Variants in PAK1 observed in about 807,000 individuals in gnomAD.
The protein encoded by PAK1 is serine/threonine-protein kinase PAK 1.
In PAK1, 29 loss-of-function variants were observed where a neutral mutation model predicts 67.4. The observed-to-expected ratio is 0.43, with a 90% confidence interval of 0.32 to 0.59. PAK1 has a LOEUF of 0.59. Among genes scored for constraint, PAK1 ranks in the 20% least tolerant of loss-of-function variants. PAK1 has a pLI of 0.07. For synonymous variants in PAK1, 223 were observed against 237.4 expected, an observed-to-expected ratio of 0.94 and a Z score of 0.56; for missense variants, 337 against 670.7, an observed-to-expected ratio of 0.50 and a Z score of 5.50.
rs1944808479 is a variant in PAK1, at chr11:77,348,812, T to C, written c.885+427A>G. Among the ~76,000 whole-genome samples the C allele has an allele frequency of 2.6e-5, 4 of 152,158 alleles. No individual in the cohort carries two copies. The South Asian group carries it at 8.3e-4, about 32-fold the overall frequency. On this transcript the variant is annotated intron_variant, in intron 9 of 14. Coordinates refer to ENST00000356341, the MANE Select transcript of PAK1 (RefSeq NM_002576.5). ...ATGTTATCCTGCTATTTGGCTTTTG[T>C]ATGCTACAGTAAGAAACTAGATATG...
At chr11:77,412,205 G>C (rs986729949) in intron 1 of PAK1, 1 of 152,390 alleles carries the variant, frequency 6.6e-6, no homozygotes, top group Non-Finnish European at 1.5e-5. Flanking sequence ...AGTCAAGAAA[G>C]ACAACCAGAG....
chr11:77,427,105 T>A (rs776464046), intron 1 of PAK1, among the ~76,000 whole-genome samples: 1 of 152,198 alleles, frequency 6.6e-6, no homozygotes, highest in South Asian at 2.1e-4. Context: ...TAGCCTGTGA[T>A]GCTTCCCACA....
At chr11:77,463,404 A>G (rs1957451960) in intron 1 of PAK1, among the ~76,000 whole-genome samples, 1 of 152,222 alleles carries the variant, frequency 6.6e-6, no homozygotes, top group South Asian at 2.1e-4. Context: ...TTAAAGAAAT[A>G]TAGTATAAAA....
intron 14 of PAK1, 31 bp from the exon 15 acceptor site, chr11:77,323,391 T>C (rs201746111): frequency 8.1e-6 from 11 of 1,365,208 alleles, no homozygotes; most frequent in South Asian, 3.5e-5. Context: ...AAAAGACACA[T>C]GACTATTTAA....
chr11:77,334,586 G>T (rs1411640164), intron 13 of PAK1, among the ~76,000 whole-genome samples: 3 of 152,050 alleles, frequency 2.0e-5, no homozygotes, highest in Non-Finnish European at 4.4e-5. Context: ...CTGTTACAAG[G>T]GATAAATTGT....
rs141410463 is a variant in PAK1 at position 77,405,422 on chromosome 11, G to C, written c.-21-12881C>G. Reference sequence around the variant, plus strand: ...ATGCAGAAGTGGAGAGACCATTAGGGAGTTATTGCAATAATCCAGGTGAAA... The same window carrying C: ...ATGCAGAAGTGGAGAGACCATTAGGCAGTTATTGCAATAATCCAGGTGAAA... On this transcript the variant is annotated intron_variant, in intron 1 of 14. Coordinates refer to ENST00000356341, the MANE Select transcript of PAK1 (RefSeq NM_002576.5). Among the ~76,000 whole-genome samples, 6 of 152,246 alleles carry C rather than the reference G, an allele frequency of 3.9e-5. No homozygotes were observed. In the East Asian group the frequency reaches 1.2e-3, roughly 29 times the overall value.
intron 1 of PAK1, among the ~76,000 whole-genome samples, chr11:77,395,999 C>T (rs1370924697): frequency 6.6e-6 from 1 of 152,118 alleles, no homozygotes; most frequent in African/African-American, 2.4e-5. Context: ...CATCTGATAC[C>T]CTAGTCAAGT....
chr11:77,471,629 G>A (rs1378726067), intron 1 of PAK1, among the ~76,000 whole-genome samples: 1 of 152,212 alleles, frequency 6.6e-6, no homozygotes, highest in African/African-American at 2.4e-5. Context: ...GCCACAGAAA[G>A]TGAGACTGCA....
chr11:77,393,927 T>C (rs1951491649), intron 1 of PAK1, among the ~76,000 whole-genome samples: 2 of 152,056 alleles, frequency 1.3e-5, no homozygotes, highest in South Asian at 4.2e-4. Context: ...CACCTGAACA[T>C]GGGAGGCAAA....
At chr11:77,393,029 G>A (rs1951337027) in intron 1 of PAK1, among the ~76,000 whole-genome samples, 1 of 151,994 alleles carries the variant, frequency 6.6e-6, no homozygotes, top group Admixed American at 6.5e-5. Context: ...ACTGTATCAA[G>A]GGTCAGGAAA....
At chr11:77,519,972 T>C in the PAK1 span, among the ~76,000 whole-genome samples, 1 of 152,128 alleles carries the variant, frequency 6.6e-6, no homozygotes, top group African/African-American at 2.4e-5. Flanking sequence ...CACACAGGAA[T>C]TGGAAGCCAG....
At chr11:77,398,359 C>T (rs148465950) in intron 1 of PAK1, among the ~76,000 whole-genome samples, 4,887 of 152,008 alleles carry the variant, frequency 0.032, 132 homozygotes, top group African/African-American at 0.074. Flanking sequence ...TGAGAACATG[C>T]GATGTTTATC....
the PAK1 span, among the ~76,000 whole-genome samples, chr11:77,506,964 G>T: frequency 5.3e-5 from 8 of 152,188 alleles, no homozygotes; most frequent in Non-Finnish European, 8.8e-5. Context: ...TGAAGATAAA[G>T]ATCTTCATCT....
At chr11:77,384,913 T>TA (rs997595394) in intron 2 of PAK1, among the ~76,000 whole-genome samples, 5 of 151,702 alleles carry the variant, frequency 3.3e-5, no homozygotes, top group Admixed American at 1.3e-4. Context: ...CTCAATTTTT[T>TA]AAAAAAAAGT....
At chr11:77,333,958 G>A (rs564631115) in intron 13 of PAK1, among the ~76,000 whole-genome samples, 3 of 151,922 alleles carry the variant, frequency 2.0e-5, no homozygotes, top group South Asian at 4.2e-4. Flanking sequence ...TCAGGAGTTC[G>A]AGACCATCGA....
At chr11:77,426,322 T>A (rs1955544213) in intron 1 of PAK1, among the ~76,000 whole-genome samples, 3 of 152,134 alleles carry the variant, frequency 2.0e-5, no homozygotes, top group African/African-American at 7.2e-5. Flanking sequence ...AATTATGGCA[T>A]ATACTAAGCC....
At chr11:77,425,613 T>C (rs1955507208) in intron 1 of PAK1, among the ~76,000 whole-genome samples, 1 of 152,194 alleles carries the variant, frequency 6.6e-6, no homozygotes, top group South Asian at 2.1e-4. Flanking sequence ...CTCTTTTCAC[T>C]TAAACTAATT....
In PAK1 at chr11:77,423,224, C is replaced by A. The variant is rs1359898755; in HGVS notation, c.-21-30683G>T. Among the ~76,000 whole-genome samples the A allele has an allele frequency of 6.0e-5, 9 of 150,896 alleles. No individual in the cohort carries two copies. In the Admixed American group the frequency reaches 6.0e-4, roughly 10 times the overall value. ...TTATTAGCAGAAGAATGAAAAAGAT[C>A]TGAGCAAATTAAGACAATACTAGAT... On this transcript the variant is annotated intron_variant, in intron 1 of 14. Coordinates refer to ENST00000356341, the MANE Select transcript of PAK1 (RefSeq NM_002576.5).
intron 1 of PAK1, among the ~76,000 whole-genome samples, chr11:77,459,694 T>TC (rs1565718040): frequency 1.1e-4 from 16 of 148,518 alleles, no homozygotes; most frequent in Non-Finnish European, 2.2e-4. Flanking sequence ...CTTCTTCTTT[T>TC]TTTTTTTTTT....
Sources: allele counts gnomAD v4.1 joint callset (sites outside exome capture counted in the v4.1 genomes callset), GRCh38; gene constraint gnomAD v4.1.1; transcripts MANE v1.5; gene names NCBI Gene and HGNC (gene_info 2026-07-23, HGNC 2026-07-21).